IRAG2: variants seen among roughly 807,000 people sequenced by gnomAD.
IRAG2 encodes inositol 1,4,5-triphosphate receptor associated 2.
In IRAG2, 45 loss-of-function variants were observed where a neutral mutation model predicts 69.9. That is an observed-to-expected ratio of 0.64 (90% CI 0.51 to 0.83). IRAG2 has a LOEUF of 0.83. Ranked by LOEUF, IRAG2 falls within the 40% of genes least tolerant of loss-of-function variation. The probability of loss-of-function intolerance (pLI) is 0.00; values close to 1 mark genes in which losing one functional copy is unlikely to be tolerated. For missense variants in IRAG2, 520 were observed against 587.0 expected (o/e 0.89, Z 1.18); for synonymous variants, 193 against 202.4 (o/e 0.95, Z 0.40).
chr12:25,068,990 C>T (rs982332286), intron 5 of IRAG2, among the ~76,000 whole-genome samples: 1 of 152,182 alleles, frequency 6.6e-6, no homozygotes, highest in African/African-American at 2.4e-5. Context: ...TCATTTGCAC[C>T]TGCCTTTTTA....
At chr12:25,097,483 G>T (rs1296958910) in intron 15 of IRAG2, 1 of 152,414 alleles carries the variant, frequency 6.6e-6, no homozygotes, top group Non-Finnish European at 1.5e-5. Context: ...GATGTTTTTG[G>T]TATTTTTCTG....
chr12:25,077,317 GAT>G (rs1491213724), intron 6 of IRAG2, among the ~76,000 whole-genome samples: 9,078 of 34,220 alleles, frequency 0.27, 2,821 homozygotes, highest in East Asian at 0.56. Context: ...TGATATATAT[GAT>G]ATATATATGA....
intron 21 of IRAG2, 116 bp downstream of exon 21, chr12:25,107,166 A>C: frequency 4.3e-6 from 2 of 470,320 alleles, no homozygotes; most frequent in Non-Finnish European, 3.8e-6. Context: ...TGTTGTATTT[A>C]AGATGAATAA....
At chr12:25,022,367 A>T (rs774367856) in intron 7 of IRAG2, among the ~76,000 whole-genome samples, 1 of 152,112 alleles carries the variant, frequency 6.6e-6, no homozygotes, top group African/African-American at 2.4e-5. Flanking sequence ...GGTGACACAC[A>T]CTTGTAATCC....
chr12:25,034,808 A>G (rs1045275636), intron 13 of IRAG2, among the ~76,000 whole-genome samples: 22 of 152,254 alleles, frequency 1.4e-4, no homozygotes, highest in African/African-American at 4.8e-4. Flanking sequence ...CCAAGGATGC[A>G]GGGACAACAT....
intron 16 of IRAG2, among the ~76,000 whole-genome samples, chr12:25,044,010 C>G (rs1354772740): frequency 6.6e-6 from 1 of 152,068 alleles, no homozygotes; most frequent in Middle Eastern, 3.2e-3. Flanking sequence ...AACACTGTAA[C>G]ACTGTAATGG....
intron 9 of IRAG2, among the ~76,000 whole-genome samples, chr12:25,081,745 A>G (rs1947225839): frequency 6.6e-6 from 1 of 152,222 alleles, no homozygotes; most frequent in African/African-American, 2.4e-5. Context: ...TGGCATATCC[A>G]TGTAATAGAA....
At chr12:24,998,560 G>C in the IRAG2 span, among the ~76,000 whole-genome samples, 1 of 152,174 alleles carries the variant, frequency 6.6e-6, no homozygotes, top group South Asian at 2.1e-4. Flanking sequence ...CTAAAGATGG[G>C]TTTCCTGGGA....
intron 1 of IRAG2, among the ~76,000 whole-genome samples, chr12:25,056,785 C>T (rs1449367110): frequency 2.0e-5 from 3 of 152,182 alleles, no homozygotes; most frequent in Non-Finnish European, 2.9e-5. Flanking sequence ...AGAACTCTCA[C>T]CTTCCTCAGG....
chr12:25,044,168 A>T (rs1030708410), intron 16 of IRAG2, among the ~76,000 whole-genome samples: 2 of 152,130 alleles, frequency 1.3e-5, no homozygotes, highest in Non-Finnish European at 2.9e-5. Context: ...AATAGAATAG[A>T]GTTTTTATAT....
chr12:25,076,305 C>T, intron 6 of IRAG2: 1 of 687,160 alleles, frequency 1.5e-6, no homozygotes, highest in Non-Finnish European at 1.8e-6. Context: ...GGCAATTTCT[C>T]CAAAATCACA....
chr12:25,011,242 C>A, intron 2 of IRAG2: 1 of 757,582 alleles, frequency 1.3e-6, no homozygotes, highest in Non-Finnish European at 1.8e-6. Context: ...ACCATGCCAG[C>A]TCCGCAGGAC....
chr12:25,073,309 CGCATGTA>C (rs1418177297), intron 6 of IRAG2, among the ~76,000 whole-genome samples: 1 of 152,192 alleles, frequency 6.6e-6, no homozygotes, highest in Non-Finnish European at 1.5e-5. Context: ...TTAACCAATG[CGCATGTA>C]GCACCCTGCA....
chr12:25,069,545 T>C, intron 6 of IRAG2, 114 bp downstream of exon 6: 3 of 928,112 alleles, frequency 3.2e-6, no homozygotes, highest in Non-Finnish European at 5.0e-6. Flanking sequence ...TGGATATTCT[T>C]GTAGCAAGTC....
intron 16 of IRAG2, among the ~76,000 whole-genome samples, chr12:25,039,635 T>A (rs1047679510): frequency 6.6e-6 from 1 of 152,200 alleles, no homozygotes; most frequent in African/African-American, 2.4e-5. Flanking sequence ...TTTCACCATG[T>A]TAACCAGGAT....
At chr12:25,039,405 A>T (rs990898204) in intron 16 of IRAG2, among the ~76,000 whole-genome samples, 2 of 152,200 alleles carry the variant, frequency 1.3e-5, no homozygotes, top group Non-Finnish European at 2.9e-5. Context: ...CCTTACACAG[A>T]TACCGTCTCC....
chr12:25,038,857 C>A (rs1944724615), intron 16 of IRAG2, among the ~76,000 whole-genome samples: 1 of 152,182 alleles, frequency 6.6e-6, no homozygotes, highest in Non-Finnish European at 1.5e-5. Context: ...GAAGCCAGGT[C>A]TGTTGGCTCC....
At chr12:25,077,884 A>G (rs1946935427) in intron 6 of IRAG2, among the ~76,000 whole-genome samples, 1 of 152,196 alleles carries the variant, frequency 6.6e-6, no homozygotes, top group Admixed American at 6.5e-5. Flanking sequence ...TCGCTTTGCA[A>G]GTTCGATTGT....
chr12:25,108,174 G>A lies in IRAG2; in HGVS notation c.*114G>A. 1 of 1,203,688 alleles carries A rather than the reference G, an allele frequency of 8.3e-7. No individual in the cohort carries two copies. Among genetic ancestry groups the A allele is most frequent in the Non-Finnish European group, 1.2e-6 (1 of 860,188 alleles). 74.6% of individuals were successfully genotyped at this position (1,203,688 alleles called of 1,614,324 possible). A position where few individuals can be genotyped will look rare whatever the true frequency, so the allele number is the denominator to read the frequency against. Reference sequence around the variant, plus strand: ...GCATGAAACCAGAGGTTCTCAGAATGACTGTAAGATAGCTTACATTTCCTC... The same window carrying A: ...GCATGAAACCAGAGGTTCTCAGAATAACTGTAAGATAGCTTACATTTCCTC... On this transcript the variant is annotated 3_prime_UTR_variant, in exon 22 of 22. Coordinates refer to ENST00000556887, the MANE Select transcript of IRAG2 (RefSeq NM_001366544.2).
Sources: allele counts gnomAD v4.1 joint callset (sites outside exome capture counted in the v4.1 genomes callset), GRCh38; gene constraint gnomAD v4.1.1; transcripts MANE v1.5; gene names NCBI Gene and HGNC (gene_info 2026-07-23, HGNC 2026-07-21).